NFIA: variants seen among roughly 807,000 people sequenced by gnomAD.
The protein encoded by NFIA is nuclear factor I A.
NFIA carries 8 observed loss-of-function variants against 62.8 expected under a neutral mutation model. That is an observed-to-expected ratio of 0.13 (90% CI 0.07 to 0.23). The LOEUF (loss-of-function observed/expected upper bound fraction) is 0.23. NFIA is among the 10% of genes least tolerant of loss of function. The pLI, the probability that NFIA is intolerant of heterozygous loss-of-function variation, is 1.00. For synonymous variants in NFIA, 235 were observed against 238.1 expected (o/e 0.99, Z 0.12); for missense variants, 410 against 642.1 (o/e 0.64, Z 3.91).
chr1:61,183,698 C>T (rs921814165), intron 2 of NFIA, among the ~76,000 whole-genome samples: 3 of 152,150 alleles, frequency 2.0e-5, no homozygotes, highest in African/African-American at 7.2e-5. Flanking sequence ...GAACTTTAGC[C>T]AGAGGCAAAT....
chr1:61,184,388 C>T lies in NFIA; in HGVS notation c.560-93132C>T, dbSNP rs573168847. 1.9e-4 allele frequency among the ~76,000 whole-genome samples: 29 copies of T among 152,358 alleles called. 1 individual carries two copies. In the South Asian group the frequency reaches 4.3e-3, roughly 23 times the overall value. On this transcript the variant is annotated intron_variant, in intron 2 of 10. Transcript: ENST00000403491. ...TCCTTGTTTCTAAAAAACTTGCTAC[C>T]TCCACAGAGTACTTTACCTTGTTTT...
rs372519093 is a variant in NFIA, at chr1:61,184,461, C to T, written c.560-93059C>T. ...ATGTGTCTAGCAGACTGGCATTTGT[C>T]CATAAAGTTATTTTAGTAGGTAAAA... On this transcript the variant is annotated intron_variant, in intron 2 of 10. Coordinates refer to ENST00000403491, the MANE Select transcript of NFIA (RefSeq NM_001134673.4). 3.3e-5 allele frequency among the ~76,000 whole-genome samples: 5 copies of T among 152,338 alleles called. No individual in the cohort carries two copies. In the East Asian group the frequency reaches 9.6e-4, roughly 29 times the overall value.
At chr1:61,122,919 C>T (rs1646910586) in intron 2 of NFIA, among the ~76,000 whole-genome samples, 1 of 152,132 alleles carries the variant, frequency 6.6e-6, no homozygotes, top group Non-Finnish European at 1.5e-5. Context: ...AATGCTCTCC[C>T]CCACCCAGCC....
chr1:61,346,884 G>T (rs1466401514), intron 4 of NFIA, among the ~76,000 whole-genome samples: 1 of 152,166 alleles, frequency 6.6e-6, no homozygotes, highest in African/African-American at 2.4e-5. Context: ...CCTCTTCACA[G>T]GGCAGCAGGA....
chr1:61,446,802 G>T (rs1057375131), intron 10 of NFIA, among the ~76,000 whole-genome samples: 1 of 152,114 alleles, frequency 6.6e-6, no homozygotes, highest in Non-Finnish European at 1.5e-5. Context: ...CCACACTAAG[G>T]TCTCCTTGAT....
chr1:61,263,146 T>C (rs1656875050), intron 2 of NFIA, among the ~76,000 whole-genome samples: 1 of 152,220 alleles, frequency 6.6e-6, no homozygotes, highest in Non-Finnish European at 1.5e-5. Context: ...TTTTTCCCAA[T>C]AATGATTTGT....
At chr1:61,423,328 G>A (rs1203507209) in intron 9 of NFIA, among the ~76,000 whole-genome samples, 1 of 151,842 alleles carries the variant, frequency 6.6e-6, no homozygotes, top group Non-Finnish European at 1.5e-5. Flanking sequence ...TTGCCATAAG[G>A]ATTCTTATAA....
intron 2 of NFIA, among the ~76,000 whole-genome samples, chr1:61,200,664 C>G (rs1476166042): frequency 6.6e-6 from 1 of 152,156 alleles, no homozygotes; most frequent in East Asian, 1.9e-4. Flanking sequence ...TTAGGTTCCA[C>G]AAGTGCTCTA....
intron 6 of NFIA, among the ~76,000 whole-genome samples, chr1:61,365,953 T>C (rs932011328): frequency 6.6e-6 from 1 of 152,186 alleles, no homozygotes; most frequent in Non-Finnish European, 1.5e-5. Flanking sequence ...AGAAAAGAGC[T>C]GTTAAATCTG....
intron 3 of NFIA, among the ~76,000 whole-genome samples, chr1:61,297,597 A>G (rs1477973629): frequency 6.6e-6 from 1 of 152,190 alleles, no homozygotes; most frequent in Non-Finnish European, 1.5e-5. Context: ...TTAACTCTAC[A>G]TGAAACATTT....
chr1:61,098,477 CT>C (rs910703787), intron 2 of NFIA, among the ~76,000 whole-genome samples: 3 of 152,194 alleles, frequency 2.0e-5, no homozygotes, highest in African/African-American at 7.2e-5. Context: ...TTTCCTCCCC[CT>C]CTTCTTTTAA....
chr1:61,143,098 A>G (rs1446510461), intron 2 of NFIA, among the ~76,000 whole-genome samples: 3 of 152,134 alleles, frequency 2.0e-5, no homozygotes, highest in Admixed American at 2.0e-4. Flanking sequence ...GCTTTTCCTC[A>G]AAAGGTTTTT....
intron 6 of NFIA, among the ~76,000 whole-genome samples, chr1:61,378,387 C>A (rs1048719179): frequency 1.3e-5 from 2 of 152,156 alleles, no homozygotes; most frequent in African/African-American, 4.8e-5. Flanking sequence ...ATACGTCTTA[C>A]CGTTTTCTCT....
At chr1:61,136,114 T>C (rs1175699606) in intron 2 of NFIA, among the ~76,000 whole-genome samples, 1 of 152,262 alleles carries the variant, frequency 6.6e-6, no homozygotes, top group Non-Finnish European at 1.5e-5. Flanking sequence ...ATCTTACTTA[T>C]GTCTGCATTT....
At chr1:61,327,527 C>G (rs1661016189) in intron 3 of NFIA, among the ~76,000 whole-genome samples, 1 of 152,212 alleles carries the variant, frequency 6.6e-6, no homozygotes, top group South Asian at 2.1e-4. Flanking sequence ...GTTTTCCATT[C>G]CTGAGTTACT....
intron 4 of NFIA, among the ~76,000 whole-genome samples, chr1:61,337,620 A>C (rs1331773606): frequency 6.6e-6 from 1 of 152,224 alleles, no homozygotes; most frequent in Non-Finnish European, 1.5e-5. Context: ...TTGTTTTAGC[A>C]TAATACTATG....
At chr1:61,370,460 G>T (rs541337957) in intron 6 of NFIA, among the ~76,000 whole-genome samples, 1 of 152,254 alleles carries the variant, frequency 6.6e-6, no homozygotes, top group Admixed American at 6.5e-5. Flanking sequence ...GGAATAAAAC[G>T]TCACTTTACT....
At chr1:61,347,158 G>A (rs1252290003) in intron 4 of NFIA, among the ~76,000 whole-genome samples, 10 of 138,710 alleles carry the variant, frequency 7.2e-5, no homozygotes, top group Non-Finnish European at 1.4e-4. Flanking sequence ...AACTGTCCTG[G>A]ATCCCACTTT....
chr1:61,352,511 C>T lies in NFIA; in HGVS notation c.762C>T (p.Tyr254=). 6.2e-7 allele frequency: 1 copy of T among 1,613,980 alleles called. No homozygotes were observed. Among genetic ancestry groups the T allele is most frequent in the Non-Finnish European group, 8.5e-7 (1 of 1,179,938 alleles). Residue 254 remains tyrosine, a synonymous_variant, in exon 5 of 11, where the codon TAC becomes TAT. Coordinates refer to ENST00000403491, the MANE Select transcript of NFIA (RefSeq NM_001134673.4). ...FSLSDLESSS[Y]YSMSPGAMRR... is the part of the protein sequence containing the mutation. ...TCTCAGATTTGGAAAGTTCTTCATA[C>T]TACAGCATGAGTCCAGGAGCAATGA...
Sources: gnomAD v4.1 joint callset for allele counts (sites outside exome capture counted in the v4.1 genomes callset) on GRCh38, gnomAD v4.1.1 for gene constraint, MANE v1.5 for transcripts, NCBI Gene and HGNC (gene_info 2026-07-23, HGNC 2026-07-21) for gene names.